Variants in NBAS observed in about 807,000 individuals in gnomAD.
The protein encoded by NBAS is NBAS subunit of NRZ tethering complex.
Under a neutral mutation model 302.5 loss-of-function variants are expected in NBAS, and 219 were observed. The observed-to-expected ratio is 0.72, with a 90% confidence interval of 0.65 to 0.81. NBAS has a LOEUF of 0.81. Among genes scored for constraint, NBAS ranks in the 30% least tolerant of loss-of-function variants. The pLI, the probability that NBAS is intolerant of heterozygous loss-of-function variation, is 0.00. For synonymous variants in NBAS, 1,118 were observed against 1,021.6 expected, an observed-to-expected ratio of 1.09 and a Z score of -1.80; for missense variants, 2,932 against 2,841.6, an observed-to-expected ratio of 1.03 and a Z score of -0.72.
chr2:15,273,809 C>G (rs1669441160), intron 44 of NBAS, among the ~76,000 whole-genome samples: 1 of 152,078 alleles, frequency 6.6e-6, no homozygotes. Flanking sequence ...GGTGCAGTGG[C>G]TCACATCTGT....
chr2:15,300,266 A>G (rs1670738084), intron 40 of NBAS, among the ~76,000 whole-genome samples: 1 of 152,246 alleles, frequency 6.6e-6, no homozygotes, highest in Non-Finnish European at 1.5e-5. Flanking sequence ...GTGGAATTAG[A>G]AACAAGTTGA....
intron 40 of NBAS, among the ~76,000 whole-genome samples, chr2:15,297,460 T>C (rs992615000): frequency 6.6e-6 from 1 of 152,190 alleles, no homozygotes; most frequent in South Asian, 2.1e-4. Flanking sequence ...GGGGGCAGAC[T>C]TCCCCCCTTG....
Position 15,167,055 on chromosome 2 carries a change from C to T in NBAS, c.7109G>A (p.Trp2370Ter). Residue 2370 changes from tryptophan (W) to a stop codon, truncating the protein, a stop_gained, in exon 52 of 52, where the codon TGG (tryptophan) becomes TAG (stop). Transcript: ENST00000281513. LOFTEE classifies it high-confidence loss of function. Reference protein sequence around the residue: ...FSTALRAAQHWV With the variant: ...FSTALRAAQH Reference sequence around the variant, plus strand: ...CAGGGCCACAGGTGGCCCTCACACCCAGTGCTGTGCTGCGCGGAGGGCTGT... The same window carrying T: ...CAGGGCCACAGGTGGCCCTCACACCTAGTGCTGTGCTGCGCGGAGGGCTGT... 1 of 1,561,522 alleles carries T rather than the reference C, an allele frequency of 6.4e-7. No homozygotes were observed. The highest frequency in any genetic ancestry group is 1.2e-5 in the South Asian group (1 of 82,974).
chr2:14,845,969 G>A, the NBAS span, among the ~76,000 whole-genome samples: 1 of 152,106 alleles, frequency 6.6e-6, no homozygotes, highest in African/African-American at 2.4e-5. Flanking sequence ...AATGAAGGTA[G>A]AGATAGGGTA....
chr2:15,085,054 G>A, the NBAS span, among the ~76,000 whole-genome samples: 1 of 152,204 alleles, frequency 6.6e-6, no homozygotes, highest in Non-Finnish European at 1.5e-5. Flanking sequence ...CCGCCCTGGG[G>A]GCTGCTGTGA....
intron 6 of NBAS, among the ~76,000 whole-genome samples, chr2:15,543,990 A>C (rs1663981874): frequency 6.6e-6 from 1 of 152,216 alleles, no homozygotes; most frequent in African/African-American, 2.4e-5. Context: ...ACTTCAATCC[A>C]GTGCCCATTT....
the NBAS span, among the ~76,000 whole-genome samples, chr2:15,106,451 G>GTCTCTCTCTCTCTCTC: frequency 2.2e-3 from 321 of 147,954 alleles, 4 homozygotes; most frequent in East Asian, 0.013. Context: ...CTCTGTCTCT[G>GTCTCTCTCTCTCTCTC]TCTCTCTCTC....
chr2:15,540,617 C>A (rs1663763702), intron 6 of NBAS, among the ~76,000 whole-genome samples: 1 of 152,126 alleles, frequency 6.6e-6, no homozygotes. Context: ...CCCATTGTAG[C>A]TTTCCAGTTT....
chr2:14,855,740 G>A, the NBAS span, among the ~76,000 whole-genome samples: 2,691 of 152,212 alleles, frequency 0.018, 96 homozygotes, highest in African/African-American at 0.06. Flanking sequence ...TGACTGCCAG[G>A]TCAGGCACGA....
rs539146365 is a variant in NBAS, at chr2:15,282,264, C to T, written c.5138+4809G>A. On this transcript the variant is annotated intron_variant, in intron 42 of 51. Transcript: ENST00000281513. ...AACCACTCTCACACTAACTCTTCAA[C>T]TGAGCCAGAGTTCTTCAAGGAAAGA... 4.6e-3 allele frequency among the ~76,000 whole-genome samples: 703 copies of T among 152,294 alleles called. 1 individual carries two copies. The highest frequency in any genetic ancestry group is 8.0e-3 in the Non-Finnish European group (547 of 68,026).
At chr2:15,052,813 A>G in the NBAS span, among the ~76,000 whole-genome samples, 1 of 152,264 alleles carries the variant, frequency 6.6e-6, no homozygotes, top group African/African-American at 2.4e-5. Context: ...AGATAAGGGA[A>G]TTTAAAAATT....
At chr2:15,557,976 T>A (rs1020565176) in intron 2 of NBAS, among the ~76,000 whole-genome samples, 1 of 152,210 alleles carries the variant, frequency 6.6e-6, no homozygotes, top group South Asian at 2.1e-4. Context: ...AAACACCACA[T>A]AGACCTCTTA....
At chr2:15,469,367 C>A (rs1353459265) in intron 16 of NBAS, among the ~76,000 whole-genome samples, 1 of 152,148 alleles carries the variant, frequency 6.6e-6, no homozygotes, top group Non-Finnish European at 1.5e-5. Flanking sequence ...CTACACACTG[C>A]TTTAAATGTG....
chr2:15,247,849 A>G (rs181197026), intron 44 of NBAS, among the ~76,000 whole-genome samples: 1 of 152,122 alleles, frequency 6.6e-6, no homozygotes, highest in Non-Finnish European at 1.5e-5. Context: ...CTCCCACACA[A>G]TAATAGTGGG....
chr2:15,324,530 T>C (rs1037614127), intron 38 of NBAS, among the ~76,000 whole-genome samples: 1 of 152,200 alleles, frequency 6.6e-6, no homozygotes, highest in Non-Finnish European at 1.5e-5. Context: ...TATCGGCTGC[T>C]TCAGAAGGCC....
chr2:15,406,103 T>TA (rs71400653), intron 25 of NBAS, among the ~76,000 whole-genome samples: 50,661 of 112,588 alleles, frequency 0.45, 11,569 homozygotes, highest in Non-Finnish European at 0.54. Context: ...CAATAACATG[T>TA]AAAAAAAAAA....
the NBAS span, among the ~76,000 whole-genome samples, chr2:15,131,956 A>G: frequency 2.0e-5 from 3 of 152,200 alleles, no homozygotes; most frequent in African/African-American, 7.2e-5. Context: ...GACAGCACCA[A>G]CGAGGGATCC....
intron 28 of NBAS, among the ~76,000 whole-genome samples, chr2:15,386,514 CCTT>C (rs1675305970): frequency 6.6e-6 from 1 of 152,090 alleles, no homozygotes; most frequent in African/African-American, 2.4e-5. Context: ...TTTTTCCCAG[CCTT>C]CTTTACATTT....
At chr2:15,506,558 G>A (rs981987773) in intron 10 of NBAS, among the ~76,000 whole-genome samples, 2 of 152,118 alleles carry the variant, frequency 1.3e-5, no homozygotes, top group Admixed American at 1.3e-4. Flanking sequence ...CAAATTTGAA[G>A]GTTATGGCAA....
Sources: gnomAD v4.1 joint callset for allele counts (sites outside exome capture counted in the v4.1 genomes callset) on GRCh38, gnomAD v4.1.1 for gene constraint, MANE v1.5 for transcripts, NCBI Gene and HGNC (gene_info 2026-07-23, HGNC 2026-07-21) for gene names.